The following ELAPOR1 variants were observed in gnomAD, a reference collection of about 807,000 sequenced individuals.
ELAPOR1 encodes endosome-lysosome associated apoptosis and autophagy regulator 1.
A neutral mutation model predicts 119.7 loss-of-function variants in ELAPOR1; 77 were observed. The observed-to-expected ratio is 0.64, with a 90% CI of 0.54 to 0.78. The LOEUF (loss-of-function observed/expected upper bound fraction) is 0.78. Ranked by LOEUF, ELAPOR1 falls within the 30% of genes least tolerant of loss-of-function variation. The probability of loss-of-function intolerance (pLI) is 0.00; values close to 1 mark genes in which losing one functional copy is unlikely to be tolerated. For synonymous variants in ELAPOR1, 481 were observed against 487.2 expected (o/e 0.99, Z 0.17); for missense variants, 1,115 against 1,270.4 (o/e 0.88, Z 1.86).
At position 109,192,602 on chromosome 1, in the gene ELAPOR1, T is replaced by C. The variant is rs187942327; in HGVS notation, c.1684-9T>C. On this transcript the variant is annotated splice_polypyrimidine_tract_variant and intron_variant, in intron 13 of 21. Transcript: ENST00000369939. Reference sequence around the variant, plus strand: ...TCTCCCCTCTCCCCTCTTGTTTCCTTGTCTCCAGAGCAGGAAGTACACCAA... The same window carrying C: ...TCTCCCCTCTCCCCTCTTGTTTCCTCGTCTCCAGAGCAGGAAGTACACCAA... 1.5e-4 allele frequency: 241 copies of C among 1,613,598 alleles called. No individual in the cohort carries two copies. Among genetic ancestry groups the C allele is most frequent in the Non-Finnish European group, 1.9e-4 (226 of 1,179,560 alleles).
intron 1 of ELAPOR1, among the ~76,000 whole-genome samples, chr1:109,140,482 T>G (rs1275027170): frequency 6.6e-6 from 1 of 152,096 alleles, no homozygotes; most frequent in African/African-American, 2.4e-5. Context: ...CTGACTTGCA[T>G]TTTGTATAGA....
intron 1 of ELAPOR1, among the ~76,000 whole-genome samples, chr1:109,147,460 T>C (rs1207306582): frequency 1.3e-5 from 2 of 152,050 alleles, no homozygotes; most frequent in African/African-American, 4.8e-5. Context: ...TGTGGGGGTG[T>C]GGAAAAAGCA....
chr1:109,177,316 C>T (rs1652389500), intron 7 of ELAPOR1, among the ~76,000 whole-genome samples: 3 of 134,956 alleles, frequency 2.2e-5, no homozygotes, highest in African/African-American at 9.3e-5. Flanking sequence ...GGCTGCTGGG[C>T]GGAGGGGCTC....
chr1:109,203,072 C>T lies in ELAPOR1; in HGVS notation c.*60C>T, dbSNP rs969609511. The T allele has an allele frequency of 5.2e-5, 61 of 1,183,812 alleles. No homozygotes were observed. The highest frequency in any genetic ancestry group is 6.7e-5 in the Non-Finnish European group (54 of 805,018). The allele number at this position is 1,183,812 out of a possible 1,614,324, so 73.3% of individuals were successfully genotyped here. ...GCATAGCACCTTTGCAAGCCTGCGGCGATTTGGGTGCCAGCATCCTGCAAC... is the reference window on the plus strand; with the variant it reads ...GCATAGCACCTTTGCAAGCCTGCGGTGATTTGGGTGCCAGCATCCTGCAAC... On this transcript the variant is annotated 3_prime_UTR_variant, in exon 22 of 22. Coordinates refer to ENST00000369939, the MANE Select transcript of ELAPOR1 (RefSeq NM_020775.5).
In ELAPOR1 at chr1:109,170,839, T is replaced by G. The variant is rs139575899; in HGVS notation, c.468-1027T>G. Among the ~76,000 whole-genome samples the G allele has an allele frequency of 2.8e-3, 428 of 152,090 alleles. 1 individual carries two copies. The highest frequency in any genetic ancestry group is 9.9e-3 in the African/African-American group (409 of 41,458). ...GGTTCATAGATGGTGTGGTGGTGAG[T>G]GTAGGGAGAGCCCGTGGACAGGGTG... On this transcript the variant is annotated intron_variant, in intron 3 of 21. Coordinates refer to ENST00000369939, the MANE Select transcript of ELAPOR1 (RefSeq NM_020775.5).
At chr1:109,173,654 AT>A (rs1652063122) in intron 6 of ELAPOR1, 33 bp from the exon 7 acceptor site, 4 of 1,613,346 alleles carry the variant, frequency 2.5e-6, no homozygotes, top group Non-Finnish European at 3.4e-6. Context: ...TCCAGGCTGA[AT>A]CCTTGCTTTT....
chr1:109,122,759 C>G (rs898602267), intron 1 of ELAPOR1, among the ~76,000 whole-genome samples: 2 of 152,034 alleles, frequency 1.3e-5, no homozygotes, highest in African/African-American at 4.8e-5. Context: ...GGGTTTGAGA[C>G]CAGCCTGGGC....
At chr1:109,193,528 AT>A (rs1425881516) in intron 14 of ELAPOR1, among the ~76,000 whole-genome samples, 6 of 152,354 alleles carry the variant, frequency 3.9e-5, no homozygotes, top group South Asian at 2.1e-4. Context: ...AATTAAAAAA[AT>A]AAATAAAAAT....
chr1:109,171,568 T>C (rs1205857205), intron 3 of ELAPOR1, among the ~76,000 whole-genome samples: 4 of 151,920 alleles, frequency 2.6e-5, no homozygotes, highest in Non-Finnish European at 4.4e-5. Flanking sequence ...AAAAAGATGT[T>C]AGCCCTCCCC....
chr1:109,189,800 G>A, intron 11 of ELAPOR1, 118 bp downstream of exon 11: 1 of 765,622 alleles, frequency 1.3e-6, no homozygotes, highest in Non-Finnish European at 2.2e-6. Context: ...CATTTCAAAT[G>A]TCAGTTGAGA....
chr1:109,135,971 G>A (rs986926047), intron 1 of ELAPOR1, among the ~76,000 whole-genome samples: 1 of 152,184 alleles, frequency 6.6e-6, no homozygotes, highest in Non-Finnish European at 1.5e-5. Flanking sequence ...TTCCTTCAAG[G>A]AGGTAACATG....
chr1:109,158,598 C>T (rs1011801384), intron 1 of ELAPOR1, among the ~76,000 whole-genome samples: 1 of 152,174 alleles, frequency 6.6e-6, no homozygotes, highest in African/African-American at 2.4e-5. Context: ...GAACAGGCAG[C>T]ACCCACTGCC....
intron 8 of ELAPOR1, chr1:109,187,669 A>G: frequency 1.0e-6 from 1 of 977,870 alleles, no homozygotes; most frequent in Admixed American, 6.1e-5. Flanking sequence ...CTGAGACACC[A>G]GGTCTGGCAC....
At chr1:109,157,288 G>C (rs906382712) in intron 1 of ELAPOR1, among the ~76,000 whole-genome samples, 2 of 152,154 alleles carry the variant, frequency 1.3e-5, no homozygotes, top group Non-Finnish European at 2.9e-5. Flanking sequence ...GTGTGGCTTT[G>C]AGCAAGTGAC....
intron 7 of ELAPOR1, among the ~76,000 whole-genome samples, chr1:109,184,261 C>T (rs1156618878): frequency 1.3e-5 from 2 of 152,066 alleles, no homozygotes; most frequent in Admixed American, 6.5e-5. Context: ...ATTCCAGCTA[C>T]TCAAGAAGCT....
At chr1:109,176,267 C>G (rs1172721769) in intron 7 of ELAPOR1, among the ~76,000 whole-genome samples, 1 of 152,088 alleles carries the variant, frequency 6.6e-6, no homozygotes. Context: ...CTCAGACAGT[C>G]CAGACATTGG....
intron 7 of ELAPOR1, among the ~76,000 whole-genome samples, chr1:109,176,354 A>G (rs2101069537): frequency 6.6e-6 from 1 of 152,270 alleles, no homozygotes; most frequent in East Asian, 1.9e-4. Context: ...TTTCCCCAGA[A>G]ACACTCACAA....
chr1:109,186,554 G>A (rs1010766484), intron 8 of ELAPOR1: 6 of 985,456 alleles, frequency 6.1e-6, no homozygotes, highest in Admixed American at 1.2e-4. Flanking sequence ...CGTATTTGGG[G>A]CATCATCCCC....
chr1:109,120,973 G>A (rs577433195), intron 1 of ELAPOR1, among the ~76,000 whole-genome samples: 33 of 152,142 alleles, frequency 2.2e-4, no homozygotes, highest in Non-Finnish European at 3.2e-4. Flanking sequence ...CTCAATAAGA[G>A]CTATCTACTG....
Sources: allele counts gnomAD v4.1 joint callset (sites outside exome capture counted in the v4.1 genomes callset), GRCh38; gene constraint gnomAD v4.1.1; transcripts MANE v1.5; gene names NCBI Gene and HGNC (gene_info 2026-07-23, HGNC 2026-07-21).